The following ERAP1 variants were observed in gnomAD, a reference collection of about 807,000 sequenced individuals.
ERAP1 encodes the protein endoplasmic reticulum aminopeptidase 1, also known as adipocyte-derived leucine aminopeptidase.
Under a neutral mutation model 103.7 loss-of-function variants are expected in ERAP1, and 86 were observed. That is an observed-to-expected ratio of 0.83 (90% CI 0.70 to 0.99). The LOEUF (loss-of-function observed/expected upper bound fraction) is 0.99. ERAP1 is among the 50% of genes least tolerant of loss of function. The pLI is 0.00. For missense variants in ERAP1, 1,009 were observed against 1,128.4 expected, an observed-to-expected ratio of 0.89 and a Z score of 1.52; for synonymous variants, 398 against 402.4, an observed-to-expected ratio of 0.99 and a Z score of 0.13.
At chr5:96,896,390 T>C in the ERAP1 span, 4 of 1,610,654 alleles carry the variant, frequency 2.5e-6, no homozygotes, top group Non-Finnish European at 3.4e-6. Context: ...ATTTTTTGAA[T>C]GTGTGTTTTG....
exon 20 of ERAP1, chr5:96,761,608 A>C (rs1447979323): frequency 2.6e-5 from 4 of 152,264 alleles, no homozygotes; most frequent in Non-Finnish European, 5.9e-5. Flanking sequence ...CTGGTTTTTC[A>C]TCAACAGTTA....
chr5:96,823,497 C>T, the ERAP1 span, among the ~76,000 whole-genome samples: 2 of 152,246 alleles, frequency 1.3e-5, no homozygotes, highest in African/African-American at 4.8e-5. Flanking sequence ...ATCCATTCCA[C>T]ACAGCAGGCA....
At chr5:96,881,252 A>G in the ERAP1 span, 1 of 370,960 alleles carries the variant, frequency 2.7e-6, no homozygotes, top group Non-Finnish European at 5.4e-6. Flanking sequence ...GAAGCAGAGT[A>G]ATCAATTGGG....
chr5:96,866,355 A>G, the ERAP1 span, among the ~76,000 whole-genome samples: 4 of 152,214 alleles, frequency 2.6e-5, no homozygotes, highest in African/African-American at 9.6e-5. Flanking sequence ...GCCAACTTTT[A>G]GGCTAATCTC....
At chr5:96,875,761 G>A in the ERAP1 span, among the ~76,000 whole-genome samples, 1 of 152,130 alleles carries the variant, frequency 6.6e-6, no homozygotes, top group Non-Finnish European at 1.5e-5. Context: ...TGGTCCATCA[G>A]GCTGTTGGAA....
chr5:96,863,817 A>T, the ERAP1 span, among the ~76,000 whole-genome samples: 3 of 150,604 alleles, frequency 2.0e-5, no homozygotes, highest in African/African-American at 7.4e-5. Context: ...CAAACCCCTA[A>T]TTCCAACCAG....
rs372677318 is a variant in ERAP1 at position 96,788,616 on chromosome 5, G to A, written c.1594C>T (p.Leu532=). Residue 532 remains leucine (L), a synonymous_variant, in exon 11 of 19, where the codon CTA becomes TTA. Coordinates refer to ENST00000443439, the MANE Select transcript of ERAP1 (RefSeq NM_001040458.3). The part of the protein sequence containing the change: ...NTWTLQKGFP[L]ITITVRGRNV... ...CTCCCCCTCACTGTGATGGTTATTA[G>A]GGGAAAACCCTTCTGCAGTGTCCAA... is the stretch of plus-strand genomic sequence containing the variant. The A allele has an allele frequency of 3.5e-5, 57 of 1,613,956 alleles. No individual in the cohort carries two copies. The highest frequency in any genetic ancestry group is 3.3e-4 in the East Asian group (15 of 44,828).
the ERAP1 span, among the ~76,000 whole-genome samples, chr5:96,913,116 T>C: frequency 6.6e-6 from 1 of 152,174 alleles, no homozygotes; most frequent in African/African-American, 2.4e-5. Context: ...TTATTTGAAA[T>C]AATAAGTAAA....
chr5:96,895,423 T>C, the ERAP1 span: 1 of 1,170,074 alleles, frequency 8.5e-7, no homozygotes, highest in South Asian at 1.4e-5. Flanking sequence ...ACTATTAAAA[T>C]TTCAAGTGAA....
At chr5:96,844,857 G>T in the ERAP1 span, among the ~76,000 whole-genome samples, 1 of 152,216 alleles carries the variant, frequency 6.6e-6, no homozygotes, top group Non-Finnish European at 1.5e-5. Context: ...GGAAGCTAGG[G>T]TTGTTTATTT....
rs57338770 is a variant in ERAP1, at chr5:96,805,357, T to TA, written c.-17-1415dup. On this transcript the variant is annotated intron_variant, in intron 1 of 18. Coordinates refer to ENST00000443439, the MANE Select transcript of ERAP1 (RefSeq NM_001040458.3). ...ATTTCTGGTTTTTGGTTTTTTTTTT[T>TA]AAAAAAAAAAAAAACTGTCCAGAGA... 5.0e-3 allele frequency among the ~76,000 whole-genome samples: 691 copies of TA among 138,912 alleles called. 10 individuals carry two copies. The highest frequency in any genetic ancestry group is 0.012 in the African/African-American group (432 of 37,468). 91.1% of individuals were successfully genotyped at this position (138,912 alleles called of 152,430 possible). A position where few individuals can be genotyped will look rare whatever the true frequency, so the allele number is the denominator to read the frequency against.
At chr5:96,813,128 T>C in the ERAP1 span, among the ~76,000 whole-genome samples, 1 of 152,188 alleles carries the variant, frequency 6.6e-6, no homozygotes, top group African/African-American at 2.4e-5. Flanking sequence ...TGACTTTATC[T>C]GTCCTTAAGA....
the ERAP1 span, chr5:96,881,594 A>G: frequency 9.3e-6 from 4 of 427,832 alleles, no homozygotes; most frequent in African/African-American, 8.1e-5. Flanking sequence ...TTTCTCATGC[A>G]ACAAGAAGTC....
In ERAP1 at chr5:96,790,555, T is replaced by C; in HGVS notation, c.1409A>G (p.Tyr470Cys). 6.2e-7 allele frequency: 1 copy of C among 1,613,950 alleles called. No individual in the cohort carries two copies. The highest frequency in any genetic ancestry group is 8.5e-7 in the Non-Finnish European group (1 of 1,179,826). Residue 470 changes from tyrosine to cysteine, a missense_variant, in exon 9 of 19, where the codon TAT becomes TGT. Tyr to Cys is a radical substitution (Grantham distance 194). Transcript: ENST00000443439. ...GIVQYLQKHS[Y>C]KNTKNEDLWD... ...CAGGTCCTCGTTTTTTGTATTTTTA[T>C]AGCTATGCTTCTGGAGATACTGTAC...
chr5:96,847,206 C>G, the ERAP1 span, among the ~76,000 whole-genome samples: 1 of 149,190 alleles, frequency 6.7e-6, no homozygotes, highest in East Asian at 1.9e-4. Context: ...TGAGATCATG[C>G]CATTGCACTC....
At chr5:96,844,017 C>T in the ERAP1 span, among the ~76,000 whole-genome samples, 3 of 152,158 alleles carry the variant, frequency 2.0e-5, no homozygotes, top group Admixed American at 2.0e-4. Context: ...AAAACCCTTA[C>T]TTGCAAGCCA....
chr5:96,879,794 C>T, the ERAP1 span: 3 of 1,614,184 alleles, frequency 1.9e-6, no homozygotes, highest in South Asian at 1.1e-5. Flanking sequence ...CATTTGTTCT[C>T]AGTTCTCAGT....
chr5:96,804,215 G>A (rs1778304709), intron 1 of ERAP1: 2 of 448,878 alleles, frequency 4.5e-6, no homozygotes, highest in Non-Finnish European at 8.2e-6. Flanking sequence ...GTTCTTGGTT[G>A]AAAGCAACCG....
At chr5:96,780,340 C>G in intron 18 of ERAP1, 83 bp downstream of exon 18, 1 of 1,018,330 alleles carries the variant, frequency 9.8e-7, no homozygotes. Context: ...TCACCACACC[C>G]TCAAAGTATT....
Sources: allele counts gnomAD v4.1 joint callset (sites outside exome capture counted in the v4.1 genomes callset), GRCh38; gene constraint gnomAD v4.1.1; transcripts MANE v1.5; gene names NCBI Gene and HGNC (gene_info 2026-07-23, HGNC 2026-07-21).